The following CLIP1 variants were observed in gnomAD, a reference collection of about 807,000 sequenced individuals.
CLIP1 encodes CAP-Gly domain containing linker protein 1.
CLIP1 carries 66 observed loss-of-function variants against 161.6 expected under a neutral mutation model. The observed-to-expected ratio is 0.41, with a 90% CI of 0.33 to 0.50. The LOEUF is 0.50. Among genes scored for constraint, CLIP1 ranks in the 20% least tolerant of loss-of-function variants. The pLI is 0.27. For synonymous variants in CLIP1, 598 were observed against 626.2 expected, an observed-to-expected ratio of 0.96 and a Z score of 0.67; for missense variants, 1,376 against 1,702.0, an observed-to-expected ratio of 0.81 and a Z score of 3.37.
chr12:122,405,760 CA>C (rs201130254), intron 1 of CLIP1, among the ~76,000 whole-genome samples: 38 of 122,594 alleles, frequency 3.1e-4, no homozygotes, highest in Non-Finnish European at 2.9e-4. Flanking sequence ...CACACTATCT[CA>C]AAAAAAAAAA....
intron 1 of CLIP1, among the ~76,000 whole-genome samples, chr12:122,407,961 T>C (rs1956392205): frequency 6.6e-6 from 1 of 151,632 alleles, no homozygotes; most frequent in Non-Finnish European, 1.5e-5. Context: ...TTTTTTTCTT[T>C]TCATAAAAGC....
At position 122,361,080 on chromosome 12, in the gene CLIP1, G is replaced by A. The variant is rs199669743; in HGVS notation, c.884C>T (p.Ala295Val). 4 of 1,614,274 alleles carry A rather than the reference G, an allele frequency of 2.5e-6. No individual in the cohort carries two copies. In the East Asian group the frequency reaches 6.7e-5, roughly 27 times the overall value. The change falls in exon 5 of 26, where the codon GCA becomes GTA. Residue 295 changes from alanine to valine, a missense_variant. Physicochemically the swap from Ala to Val is moderately conservative, Grantham distance 64. This residue lies in a region of CLIP1 where 211 missense variants were observed against 295.1 expected (regional missense o/e 0.72). Transcript: ENST00000620786. ...CGTGGTCGCCATCACTCGCCTCACTGCGTTGGCCTTGGCTTTGGCTGGTGT... is the reference window on the plus strand; with the variant it reads ...CGTGGTCGCCATCACTCGCCTCACTACGTTGGCCTTGGCTTTGGCTGGTGT... Reference protein sequence around the residue: ...STTPAKAKANAVRRVMATTSA... With the variant: ...STTPAKAKANVVRRVMATTSA...
chr12:122,340,666 A>T (rs1375578429), intron 11 of CLIP1, 87 bp downstream of exon 11: 11 of 1,084,964 alleles, frequency 1.0e-5, no homozygotes, highest in South Asian at 1.6e-5. Flanking sequence ...GCAATTTGGA[A>T]GATGAATGAT....
At chr12:122,327,209 G>A (rs1397068021) in intron 17 of CLIP1, among the ~76,000 whole-genome samples, 2 of 152,104 alleles carry the variant, frequency 1.3e-5, no homozygotes, top group African/African-American at 4.8e-5. Context: ...ACTTTAAGAG[G>A]CCAAGATGGG....
chr12:122,375,377 C>T (rs946721985), intron 3 of CLIP1, among the ~76,000 whole-genome samples: 10 of 150,774 alleles, frequency 6.6e-5, no homozygotes, highest in Non-Finnish European at 1.2e-4. Flanking sequence ...AGTGCAGTGG[C>T]GCAAACTCAG....
intron 20 of CLIP1, among the ~76,000 whole-genome samples, chr12:122,300,597 C>T (rs1054663790): frequency 6.6e-6 from 1 of 152,100 alleles, no homozygotes; most frequent in African/African-American, 2.4e-5. Flanking sequence ...GACGGTCTCG[C>T]TCTGTCACCC....
intron 1 of CLIP1, among the ~76,000 whole-genome samples, chr12:122,404,905 A>G (rs570784781): frequency 1.3e-5 from 2 of 149,848 alleles, no homozygotes; most frequent in African/African-American, 2.5e-5. Context: ...ATCTCAAAAA[A>G]AAAAAACAAA....
rs1044706251 is a variant in CLIP1 at position 122,361,038 on chromosome 12, C to T, written c.926G>A (p.Arg309His). 9.3e-6 allele frequency: 15 copies of T among 1,614,190 alleles called. No homozygotes were observed. The highest frequency in any genetic ancestry group is 4.5e-5 in the East Asian group (2 of 44,888). Residue 309 changes from arginine (R) to histidine (H), a missense_variant, in exon 5 of 26, where the codon CGC becomes CAC. Physicochemically the swap from Arg to His is conservative, Grantham distance 29. Coordinates refer to ENST00000620786, the MANE Select transcript of CLIP1 (RefSeq NM_001247997.2). ...VMATTSASLK[R>H]SPSASSLSSM... ...GCTGAGGGAAGAGGCAGAAGGGCTG[C>T]GCTTCAGGCTGGCGGACGTGGTCGC...
intron 20 of CLIP1, among the ~76,000 whole-genome samples, chr12:122,298,037 G>A (rs1297846592): frequency 5.3e-5 from 8 of 152,134 alleles, no homozygotes; most frequent in Middle Eastern, 3.2e-3. Flanking sequence ...AGCTCCCCAC[G>A]GCATTGGTCA....
In CLIP1 at chr12:122,340,965, C is replaced by A. The variant is rs751391260; in HGVS notation, c.2239G>T (p.Val747Leu). ...TGTTCATTGCATTTGGCTTGCAGTA[C>A]CTCTAGCTCCTTTACCTTTATTTCA... ...EAEIKVKELE[V>L]LQAKCNEQTK... The change falls in exon 11 of 26, where the codon GTA (valine) becomes TTA (leucine). Residue 747 changes from valine (V) to leucine (L), a missense_variant. Val to Leu is a conservative substitution (Grantham distance 32, BLOSUM62 1). This residue lies in a region of CLIP1 where 948 missense variants were observed against 1,134.8 expected (regional missense o/e 0.84). Coordinates refer to ENST00000620786, the MANE Select transcript of CLIP1 (RefSeq NM_001247997.2). 7 of 1,614,168 alleles carry A rather than the reference C, an allele frequency of 4.3e-6. No homozygotes were observed. Among genetic ancestry groups the A allele is most frequent in the Non-Finnish European group, 4.2e-6 (5 of 1,180,042 alleles).
In CLIP1 at chr12:122,328,449, G is replaced by T. The variant is rs756038707; in HGVS notation, c.2868-23C>A. 5.5e-6 allele frequency: 8 copies of T among 1,441,522 alleles called. No individual in the cohort carries two copies. The Admixed American group carries it at 1.2e-4, about 22-fold the overall frequency. 89.3% of individuals were successfully genotyped at this position (1,441,522 alleles called of 1,614,324 possible). ...TCTCTAGAAAAAGTTTCAATATAAG[G>T]TGTCAGATTTTTCATAAGAATGTTT... On this transcript the variant is annotated intron_variant, in intron 15 of 25. Transcript: ENST00000620786.
chr12:122,375,521 T>G (rs1032196371), intron 3 of CLIP1, among the ~76,000 whole-genome samples: 5 of 152,164 alleles, frequency 3.3e-5, no homozygotes, highest in African/African-American at 1.2e-4. Flanking sequence ...TTCACCATGT[T>G]GACCAGGCTG....
intron 5 of CLIP1, among the ~76,000 whole-genome samples, chr12:122,358,297 ACTGCGGAAGGCCGCAGGGTCCT>A (rs1489095358): frequency 6.6e-6 from 1 of 151,852 alleles, no homozygotes; most frequent in African/African-American, 2.4e-5. Flanking sequence ...GGACACAAAC[ACTGCGGAAGGCCGCAGGGTCCT>A]CTGCCTAGGA....
rs767013197 is a variant in CLIP1 at position 122,273,027 on chromosome 12, C to T, written c.4165G>A (p.Asp1389Asn). The T allele has an allele frequency of 4.1e-5, 66 of 1,614,006 alleles. No individual in the cohort carries two copies. The highest frequency in any genetic ancestry group is 1.3e-4 in the East Asian group (6 of 44,900). Residue 1389 changes from aspartate (D) to asparagine (N), a missense_variant, in exon 26 of 26, where the codon GAC becomes AAC. Physicochemically the swap from Asp to Asn is conservative, Grantham distance 23. Transcript: ENST00000620786. ...CDICDCFDLH[D>N]TEDCPTQAQM... ...GCCTGGGTAGGACAATCCTCTGTGT[C>T]GTGGAGATCAAAGCAGTCACAAATG... is the stretch of plus-strand genomic sequence containing the variant.
intron 1 of CLIP1, among the ~76,000 whole-genome samples, chr12:122,414,526 G>T (rs769197576): frequency 6.6e-6 from 1 of 151,824 alleles, no homozygotes; most frequent in East Asian, 1.9e-4. Context: ...GTGCAATGGC[G>T]CAATCTCAGC....
At chr12:122,385,790 AT>A (rs1341696433) in intron 1 of CLIP1, among the ~76,000 whole-genome samples, 1 of 152,188 alleles carries the variant, frequency 6.6e-6, no homozygotes, top group Non-Finnish European at 1.5e-5. Context: ...AGGAAACAAC[AT>A]GGTCAGCTAC....
rs115554984 is a variant in CLIP1 at position 122,333,244 on chromosome 12, T to C, written c.2711-101A>G. On this transcript the variant is annotated intron_variant, in intron 14 of 25. Coordinates refer to ENST00000620786, the MANE Select transcript of CLIP1 (RefSeq NM_001247997.2). ...GGTAATATTTTCACACAGCAATTCT[T>C]GTCCTCATAAAAATCACATTCTAGT... The C allele has an allele frequency of 1.3e-3, 1,082 of 856,668 alleles. 7 individuals are homozygous for C. The African/African-American group carries it at 0.016, about 13-fold the overall frequency. 53.1% of individuals were successfully genotyped at this position (856,668 alleles called of 1,614,324 possible). A position where few individuals can be genotyped will look rare whatever the true frequency, so the allele number is the denominator to read the frequency against.
chr12:122,291,308 G>C (rs556287653), intron 20 of CLIP1, among the ~76,000 whole-genome samples: 1 of 151,846 alleles, frequency 6.6e-6, no homozygotes, highest in Non-Finnish European at 1.5e-5. Flanking sequence ...TCCTGTCTCA[G>C]CCTCCCAAAG....
rs1955196302 is a variant in CLIP1 at position 122,271,860 on chromosome 12, A to G, written c.*1015T>C. On this transcript the variant is annotated 3_prime_UTR_variant, in exon 26 of 26. Transcript: ENST00000620786. ...AAACAGTAAAAAAACTTGTGAAGGGAGATTGTAGATTGGTTATTTAGGTGT... is the reference window on the plus strand; with the variant it reads ...AAACAGTAAAAAAACTTGTGAAGGGGGATTGTAGATTGGTTATTTAGGTGT... 1 of 152,588 alleles carries G rather than the reference A, an allele frequency of 6.6e-6. No homozygotes were observed. Among genetic ancestry groups the G allele is most frequent in the South Asian group, 2.1e-4 (1 of 4,834 alleles). The allele number at this position is 152,588 out of a possible 1,614,324, so 9.5% of individuals were successfully genotyped here. A position where few individuals can be genotyped will look rare whatever the true frequency, so the allele number is the denominator to read the frequency against.
Sources: allele counts gnomAD v4.1 joint callset (sites outside exome capture counted in the v4.1 genomes callset), GRCh38; gene constraint gnomAD v4.1.1; regional missense constraint gnomAD v4.1.1; transcripts MANE v1.5; gene names NCBI Gene and HGNC (gene_info 2026-07-23, HGNC 2026-07-21).